The following NWD1 variants were observed in gnomAD, a reference collection of about 807,000 sequenced individuals.
NWD1 encodes NACHT domain- and WD repeat-containing protein 1.
A neutral mutation model predicts 135.1 loss-of-function variants in NWD1; 129 were observed. The observed-to-expected ratio is 0.96, with a 90% CI of 0.83 to 1.11. The LOEUF is 1.11. Ranked by LOEUF, NWD1 falls within the 50% of genes least tolerant of loss-of-function variation. NWD1 has a pLI of 0.00. For missense variants in NWD1, 1,740 were observed against 1,851.3 expected, an observed-to-expected ratio of 0.94 and a Z score of 1.10; for synonymous variants, 773 against 786.0, an observed-to-expected ratio of 0.98 and a Z score of 0.28.
chr19:16,753,300 C>T (rs778696136), intron 6 of NWD1, among the ~76,000 whole-genome samples: 3 of 152,160 alleles, frequency 2.0e-5, no homozygotes, highest in Non-Finnish European at 4.4e-5. Context: ...TTCCAAAGTA[C>T]AGGGAGACAG....
intron 12 of NWD1, among the ~76,000 whole-genome samples, chr19:16,784,756 C>T (rs559499680): frequency 3.9e-4 from 60 of 152,046 alleles, no homozygotes; most frequent in Middle Eastern, 6.8e-3. Context: ...TGGTGAACCC[C>T]TGTCTCTACT....
rs569338415 is a variant in NWD1, at chr19:16,784,862, G to A, written c.2732-4120G>A. ...GAGAATCACTTGAACCCGGGGGGCG[G>A]AGGTTGCAGTGAGCCGAGATCGCGC... On this transcript the variant is annotated intron_variant, in intron 12 of 18. Coordinates refer to ENST00000524140, the MANE Select transcript of NWD1 (RefSeq NM_001007525.5). Among the ~76,000 whole-genome samples, 11 of 138,988 alleles carry A rather than the reference G, an allele frequency of 7.9e-5. No individual in the cohort carries two copies. In the South Asian group the frequency reaches 1.5e-3, roughly 18 times the overall value. 91.2% of individuals were successfully genotyped at this position (138,988 alleles called of 152,430 possible).
intron 6 of NWD1, among the ~76,000 whole-genome samples, chr19:16,754,771 C>T (rs1317704259): frequency 6.7e-6 from 1 of 150,258 alleles, no homozygotes; most frequent in African/African-American, 2.5e-5. Context: ...TCCATCCATC[C>T]ACCCACCTAT....
intron 14 of NWD1, among the ~76,000 whole-genome samples, chr19:16,791,871 C>T (rs973229562): frequency 2.0e-5 from 3 of 152,120 alleles, no homozygotes; most frequent in Non-Finnish European, 2.9e-5. Context: ...AGTGCCACCA[C>T]GCCTGGCTAA....
chr19:16,743,944 A>C (rs1968194431), intron 4 of NWD1, among the ~76,000 whole-genome samples: 1 of 152,112 alleles, frequency 6.6e-6, no homozygotes, highest in Non-Finnish European at 1.5e-5. Context: ...TGGCCTCCCA[A>C]AGTGCTGGGA....
intron 4 of NWD1, among the ~76,000 whole-genome samples, chr19:16,742,649 TTAAATCTTAATTATCGAGA>T (rs1183456455): frequency 2.0e-5 from 3 of 151,936 alleles, no homozygotes; most frequent in Non-Finnish European, 1.5e-5. Flanking sequence ...AAGATTTAAT[TTAAATCTTAATTATCGAGA>T]TAAATTGTAT....
intron 14 of NWD1, among the ~76,000 whole-genome samples, chr19:16,794,069 T>G (rs1599544404): frequency 6.6e-6 from 1 of 152,074 alleles, no homozygotes; most frequent in Non-Finnish European, 1.5e-5. Flanking sequence ...AAAATTTTTA[T>G]TAAGAGATGG....
At chr19:16,746,426 G>A (rs1968319061) in intron 5 of NWD1, among the ~76,000 whole-genome samples, 3 of 152,144 alleles carry the variant, frequency 2.0e-5, no homozygotes, top group Admixed American at 2.0e-4. Context: ...TGTAATCCCA[G>A]CACTTTGGAA....
chr19:16,811,517 G>A (rs1203053505), intron 18 of NWD1, among the ~76,000 whole-genome samples: 5 of 151,284 alleles, frequency 3.3e-5, no homozygotes, highest in South Asian at 4.2e-4. Flanking sequence ...CCAGGAGATG[G>A]AGGTTGCAGT....
chr19:16,752,606 G>T (rs1373283864), intron 6 of NWD1, among the ~76,000 whole-genome samples: 2 of 152,082 alleles, frequency 1.3e-5, no homozygotes, highest in African/African-American at 4.8e-5. Context: ...GTGCCACTGG[G>T]CTTCCTTCCA....
chr19:16,796,017 T>G (rs1970405999), intron 15 of NWD1, among the ~76,000 whole-genome samples: 1 of 151,952 alleles, frequency 6.6e-6, no homozygotes. Context: ...ACAAAACAGC[T>G]CTCAGGGGAG....
At chr19:16,764,676 A>T (rs1249598453) in intron 9 of NWD1, among the ~76,000 whole-genome samples, 1 of 151,918 alleles carries the variant, frequency 6.6e-6, no homozygotes, top group East Asian at 1.9e-4. Context: ...AATCCACCCA[A>T]CATTCTTTCT....
intron 7 of NWD1, among the ~76,000 whole-genome samples, chr19:16,760,008 A>T (rs1211743514): frequency 6.6e-6 from 1 of 151,580 alleles, no homozygotes; most frequent in Non-Finnish European, 1.5e-5. Context: ...AAAGAAAATT[A>T]GCTGGGTGTG....
intron 5 of NWD1, among the ~76,000 whole-genome samples, chr19:16,746,241 T>C (rs1213991784): frequency 1.3e-5 from 2 of 151,750 alleles, no homozygotes; most frequent in African/African-American, 4.8e-5. Context: ...ACACCTGTAG[T>C]CTCAGCTACT....
At chr19:16,760,493 CAA>C (rs1968969185) in intron 7 of NWD1, among the ~76,000 whole-genome samples, 1 of 151,962 alleles carries the variant, frequency 6.6e-6, no homozygotes, top group African/African-American at 2.4e-5. Context: ...CTCCTGGGCT[CAA>C]GAGACACACC....
chr19:16,765,802 A>G (rs1443537611), intron 10 of NWD1, among the ~76,000 whole-genome samples: 1 of 152,100 alleles, frequency 6.6e-6, no homozygotes, highest in Non-Finnish European at 1.5e-5. Flanking sequence ...GCAGATCACA[A>G]GGTCAGAAGT....
intron 6 of NWD1, among the ~76,000 whole-genome samples, chr19:16,756,360 G>A (rs932582848): frequency 6.6e-6 from 1 of 152,190 alleles, no homozygotes; most frequent in Admixed American, 6.6e-5. Context: ...GTAGGCAGAG[G>A]AAGAGGAGGA....
Position 16,817,881 on chromosome 19 carries a change from A to G in NWD1, c.*2842A>G, listed in dbSNP as rs888543700. Reference sequence around the variant, plus strand: ...GTCCATCTCCACAGCCTCAGTGAGAATTGATTGTTTTGTAGATAAATCCTA... The same window carrying G: ...GTCCATCTCCACAGCCTCAGTGAGAGTTGATTGTTTTGTAGATAAATCCTA... On this transcript the variant is annotated 3_prime_UTR_variant, in exon 19 of 19. Coordinates refer to ENST00000524140, the MANE Select transcript of NWD1 (RefSeq NM_001007525.5). The G allele has an allele frequency of 6.6e-6, 1 of 152,204 alleles. No individual in the cohort carries two copies. The highest frequency in any genetic ancestry group is 1.5e-5 in the Non-Finnish European group (1 of 68,038). 9.4% of individuals were successfully genotyped at this position (152,204 alleles called of 1,614,324 possible).
At chr19:16,740,642 A>ATTTTTTT (rs1162769783) in intron 4 of NWD1, among the ~76,000 whole-genome samples, 1,305 of 112,866 alleles carry the variant, frequency 0.012, 50 homozygotes, top group African/African-American at 0.043. Flanking sequence ...CCAGACTTCT[A>ATTTTTTT]TTTTTTTTTT....
Sources: allele counts gnomAD v4.1 joint callset (sites outside exome capture counted in the v4.1 genomes callset), GRCh38; gene constraint gnomAD v4.1.1; transcripts MANE v1.5; gene names NCBI Gene and HGNC (gene_info 2026-07-23, HGNC 2026-07-21).